RAB38: variants seen among roughly 807,000 people sequenced by gnomAD.
RAB38 encodes the protein RAB38, member RAS oncogene family, also known as ras-related protein Rab-38.
Under a neutral mutation model 18.4 loss-of-function variants are expected in RAB38, and 15 were observed. That is an observed-to-expected ratio of 0.82 (90% confidence interval 0.55 to 1.26). The LOEUF (loss-of-function observed/expected upper bound fraction) is 1.26, where lower values mean the gene tolerates loss of function less well. Among genes scored for constraint, RAB38 ranks in the 50% most tolerant of loss-of-function variants. The probability of loss-of-function intolerance (pLI) is 0.00; values close to 1 mark genes in which losing one functional copy is unlikely to be tolerated. For missense variants in RAB38, 294 were observed against 267.4 expected, an observed-to-expected ratio of 1.10 and a Z score of -0.69; for synonymous variants, 101 against 104.4, an observed-to-expected ratio of 0.97 and a Z score of 0.20.
the RAB38 span, among the ~76,000 whole-genome samples, chr11:88,076,024 G>A: frequency 2.7e-5 from 4 of 150,640 alleles, no homozygotes; most frequent in East Asian, 7.8e-4. Flanking sequence ...TATTAAAATT[G>A]AAAATAATAA....
chr11:87,964,978 G>C, the RAB38 span, among the ~76,000 whole-genome samples: 4 of 152,158 alleles, frequency 2.6e-5, no homozygotes, highest in Admixed American at 6.6e-5. Flanking sequence ...ATCTACGGCA[G>C]AGTTTCTCTG....
chr11:87,885,347 T>G, the RAB38 span, among the ~76,000 whole-genome samples: 2 of 144,812 alleles, frequency 1.4e-5, no homozygotes, highest in African/African-American at 5.2e-5. Context: ...TTCTGCTCTC[T>G]CTGCTTTGGA....
chr11:87,910,788 G>T, the RAB38 span, among the ~76,000 whole-genome samples: 1 of 151,628 alleles, frequency 6.6e-6, no homozygotes, highest in Non-Finnish European at 1.5e-5. Context: ...TTACAGGCAT[G>T]CACCACCACA....
At chr11:87,976,692 C>G in the RAB38 span, among the ~76,000 whole-genome samples, 10 of 44,456 alleles carry the variant, frequency 2.2e-4, no homozygotes, top group South Asian at 1.3e-3. Flanking sequence ...TATATATTTA[C>G]AATATATTTT....
the RAB38 span, among the ~76,000 whole-genome samples, chr11:87,849,690 A>G: frequency 6.6e-6 from 1 of 152,094 alleles, no homozygotes; most frequent in East Asian, 1.9e-4. Context: ...TTTAATCTTC[A>G]AAGGGAAATA....
chr11:87,894,726 T>TTA, the RAB38 span, among the ~76,000 whole-genome samples: 95 of 149,520 alleles, frequency 6.4e-4, no homozygotes, highest in African/African-American at 1.6e-3. Flanking sequence ...TATGTACACA[T>TTA]TATATATATA....
chr11:87,934,326 C>T, the RAB38 span, among the ~76,000 whole-genome samples: 1 of 152,176 alleles, frequency 6.6e-6, no homozygotes, highest in Non-Finnish European at 1.5e-5. Context: ...TTCTAACTTT[C>T]GATCCCCCTT....
the RAB38 span, among the ~76,000 whole-genome samples, chr11:87,855,340 G>T: frequency 6.6e-6 from 1 of 152,130 alleles, no homozygotes; most frequent in African/African-American, 2.4e-5. Flanking sequence ...TTTCCATGGT[G>T]ATCTCCTTTT....
At chr11:87,925,798 A>G in the RAB38 span, among the ~76,000 whole-genome samples, 1 of 151,974 alleles carries the variant, frequency 6.6e-6, no homozygotes, top group Admixed American at 6.6e-5. Context: ...CTGTTGAGGT[A>G]ATGTGCTTCT....
chr11:87,864,274 A>G, the RAB38 span, among the ~76,000 whole-genome samples: 1 of 151,422 alleles, frequency 6.6e-6, no homozygotes, highest in South Asian at 2.1e-4. Flanking sequence ...CAATGCTCAT[A>G]TAATTAATAA....
the RAB38 span, among the ~76,000 whole-genome samples, chr11:87,844,994 C>G: frequency 6.6e-6 from 1 of 152,136 alleles, no homozygotes; most frequent in Admixed American, 6.6e-5. Flanking sequence ...AACATAATTT[C>G]CAAATCATGC....
the RAB38 span, among the ~76,000 whole-genome samples, chr11:87,807,462 C>G: frequency 0.79 from 119,466 of 152,142 alleles, 47,499 homozygotes; most frequent in East Asian, 0.97. Context: ...AGCACAGCTA[C>G]GCTGTCTTCA....
At chr11:87,868,590 A>AGG in the RAB38 span, among the ~76,000 whole-genome samples, 4 of 30,342 alleles carry the variant, frequency 1.3e-4, no homozygotes, top group East Asian at 2.1e-3. Context: ...AGAGAGAGAG[A>AGG]GAGAGAGAGA....
At chr11:88,129,592 C>T (rs759021153) in intron 2 of RAB38, among the ~76,000 whole-genome samples, 27 of 152,092 alleles carry the variant, frequency 1.8e-4, no homozygotes, top group Middle Eastern at 3.4e-3. Context: ...TGCAGTGAGC[C>T]GAGATCGTGC....
the RAB38 span, among the ~76,000 whole-genome samples, chr11:87,929,125 A>C: frequency 6.6e-6 from 1 of 152,036 alleles, no homozygotes; most frequent in Non-Finnish European, 1.5e-5. Flanking sequence ...AAAAAAAACA[A>C]GAAAAAAAGT....
At chr11:88,012,306 A>C in the RAB38 span, among the ~76,000 whole-genome samples, 1 of 152,118 alleles carries the variant, frequency 6.6e-6, no homozygotes, top group Non-Finnish European at 1.5e-5. Flanking sequence ...ACACTGGAGG[A>C]AGTAACTTTC....
the RAB38 span, among the ~76,000 whole-genome samples, chr11:88,004,853 T>C: frequency 3.3e-5 from 5 of 151,210 alleles, no homozygotes; most frequent in African/African-American, 1.2e-4. Context: ...CACCAAACAA[T>C]TGGAAAAATA....
At chr11:87,932,849 CA>C in the RAB38 span, among the ~76,000 whole-genome samples, 2 of 152,082 alleles carry the variant, frequency 1.3e-5, no homozygotes, top group African/African-American at 4.8e-5. Context: ...CTAAATTGGG[CA>C]TTCCTAATTC....
the RAB38 span, among the ~76,000 whole-genome samples, chr11:88,104,218 C>A: frequency 6.6e-6 from 1 of 152,078 alleles, no homozygotes; most frequent in East Asian, 1.9e-4. Context: ...ATTTGCTATT[C>A]CTGGATTCTT....
Sources: gnomAD v4.1 joint callset for allele counts (sites outside exome capture counted in the v4.1 genomes callset) on GRCh38, gnomAD v4.1.1 for gene constraint, MANE v1.5 for transcripts, NCBI Gene and HGNC (gene_info 2026-07-23, HGNC 2026-07-21) for gene names.